Variants in CACNG8 observed in about 807,000 individuals in gnomAD.
The protein encoded by CACNG8 is voltage-dependent calcium channel gamma-8 subunit.
In CACNG8, 5 loss-of-function variants were observed where a neutral mutation model predicts 26.9. That is an observed-to-expected ratio of 0.19 (90% CI 0.10 to 0.39). CACNG8 has a LOEUF of 0.39. Among genes scored for constraint, CACNG8 ranks in the 10% least tolerant of loss-of-function variants. The probability of loss-of-function intolerance (pLI) is 1.00; values close to 1 mark genes in which losing one functional copy is unlikely to be tolerated. For synonymous variants in CACNG8, 321 were observed against 296.7 expected (o/e 1.08, Z -0.84); for missense variants, 473 against 609.4 (o/e 0.78, Z 2.36).
At chr19:53,974,242 A>G (rs1287528904) in intron 1 of CACNG8, among the ~76,000 whole-genome samples, 4 of 152,224 alleles carry the variant, frequency 2.6e-5, no homozygotes, top group Non-Finnish European at 5.9e-5. Flanking sequence ...TTCACTGAGT[A>G]TAATGTCTTC....
intron 1 of CACNG8, among the ~76,000 whole-genome samples, chr19:53,969,026 C>T (rs2069287116): frequency 6.6e-6 from 1 of 151,944 alleles, no homozygotes; most frequent in Non-Finnish European, 1.5e-5. Flanking sequence ...GTTTTCGAGA[C>T]AGATTCTTGC....
rs565897885 is a variant in CACNG8 at position 53,972,323 on chromosome 19, T to G, written c.284-5823T>G. Among the ~76,000 whole-genome samples the G allele has an allele frequency of 7.2e-4, 105 of 146,542 alleles. 1 individual carries two copies. Among genetic ancestry groups the G allele is most frequent in the Admixed American group, 2.4e-3 (35 of 14,428 alleles). ...CTGTGCCTTTCTTTCTTGCTTGCTTTCTTTCTTTTTTTTTTCTTTCTTCTC... is the reference window on the plus strand; with the variant it reads ...CTGTGCCTTTCTTTCTTGCTTGCTTGCTTTCTTTTTTTTTTCTTTCTTCTC... On this transcript the variant is annotated intron_variant, in intron 1 of 3. Transcript: ENST00000270458.
intron 1 of CACNG8, among the ~76,000 whole-genome samples, chr19:53,967,565 T>G (rs111330857): frequency 0.077 from 11,785 of 152,276 alleles, 1,549 homozygotes; most frequent in African/African-American, 0.27. Flanking sequence ...CTGGGCGCAG[T>G]GGCTCACACC....
chr19:53,981,982 GCCTGGGCCCGCT>G (rs1260795702), intron 3 of CACNG8, 86 bp from the exon 4 acceptor site: 21 of 1,324,958 alleles, frequency 1.6e-5, no homozygotes, highest in Non-Finnish European at 2.0e-5. Flanking sequence ...TGGGGGTGGC[GCCTGGGCCCGCT>G]GGCGCAGGCG....
intron 3 of CACNG8, among the ~76,000 whole-genome samples, chr19:53,980,430 C>T (rs948311197): frequency 2.0e-5 from 3 of 151,822 alleles, no homozygotes; most frequent in Admixed American, 1.3e-4. Context: ...AGAAAGTGAT[C>T]TGAGCGCCGA....
rs886626590 is a variant in CACNG8, at chr19:53,985,211, T to C, written c.*2362T>C. The C allele has an allele frequency of 1.3e-5, 2 of 152,252 alleles. No individual in the cohort carries two copies. Among genetic ancestry groups the C allele is most frequent in the Non-Finnish European group, 2.9e-5 (2 of 68,102 alleles). The allele number at this position is 152,252 out of a possible 1,614,324, so 9.4% of individuals were successfully genotyped here. A position where few individuals can be genotyped will look rare whatever the true frequency, so the allele number is the denominator to read the frequency against. Reference sequence around the variant, plus strand: ...GGGAGTGGAGAGGTGATTTTGATCTTGCCCTGCTCTCAAGGGGCTCCCAGT... The same window carrying C: ...GGGAGTGGAGAGGTGATTTTGATCTCGCCCTGCTCTCAAGGGGCTCCCAGT... On this transcript the variant is annotated 3_prime_UTR_variant, in exon 4 of 4. Transcript: ENST00000270458.
At position 53,982,752 on chromosome 19, in the gene CACNG8, C is replaced by G; in HGVS notation, c.1181C>G (p.Ala394Gly). The G allele has an allele frequency of 1.7e-6, 2 of 1,209,954 alleles. No individual in the cohort carries two copies. Among genetic ancestry groups the G allele is most frequent in the Non-Finnish European group, 2.0e-6 (2 of 978,880 alleles). 75.0% of individuals were successfully genotyped at this position (1,209,954 alleles called of 1,614,324 possible). A position where few individuals can be genotyped will look rare whatever the true frequency, so the allele number is the denominator to read the frequency against. Residue 394 changes from alanine to glycine, a missense_variant, in exon 4 of 4, where the codon GCG (alanine) becomes GGG (glycine). Coordinates refer to ENST00000270458, the MANE Select transcript of CACNG8 (RefSeq NM_031895.6). This position sits in a 1 kb window ranked among gnomAD's most constrained non-coding sequence, Gnocchi z 8.4. ...GGGCCGCCCGCCCCGCCCGCGCCCGCGCCACCCGCGCCCTCTGCGCCCGCC... is the reference window on the plus strand; with the variant it reads ...GGGCCGCCCGCCCCGCCCGCGCCCGGGCCACCCGCGCCCTCTGCGCCCGCC...
intron 1 of CACNG8, among the ~76,000 whole-genome samples, chr19:53,977,935 C>T (rs962637109): frequency 6.6e-6 from 1 of 152,122 alleles, no homozygotes; most frequent in African/African-American, 2.4e-5. Flanking sequence ...CCTTGCTTTT[C>T]TTCTTTTCTT....
intron 1 of CACNG8, among the ~76,000 whole-genome samples, chr19:53,964,099 G>A (rs1290470235): frequency 6.6e-6 from 1 of 151,948 alleles, no homozygotes; most frequent in Non-Finnish European, 1.5e-5. Flanking sequence ...GCACCCAGCA[G>A]CCTCTTTCTC....
In CACNG8 at chr19:53,982,352, C is replaced by A. The variant is rs2069375047; in HGVS notation, c.781C>A (p.Leu261Ile). ...TGGCGGGAGCGGCCCCTCGGCCATC[C>A]TCCGTCTGCCCAGTTACCGCTTCCG... Residue 261 changes from leucine to isoleucine, a missense_variant, in exon 4 of 4, where the codon CTC (leucine) becomes ATC (isoleucine). Physicochemically the swap from Leu to Ile is conservative, Grantham distance 5 (BLOSUM62 2). Coordinates refer to ENST00000270458, the MANE Select transcript of CACNG8 (RefSeq NM_031895.6). The surrounding 1 kb of genome is among the most constrained non-coding windows in gnomAD (Gnocchi z 8.4). 1 of 1,547,994 alleles carries A rather than the reference C, an allele frequency of 6.5e-7. No homozygotes were observed. The highest frequency in any genetic ancestry group is 8.7e-7 in the Non-Finnish European group (1 of 1,151,330).
chr19:53,967,656 G>A (rs1055706406), intron 1 of CACNG8, among the ~76,000 whole-genome samples: 1 of 152,042 alleles, frequency 6.6e-6, no homozygotes, highest in African/African-American at 2.4e-5. Flanking sequence ...CCAACATGGT[G>A]AAAACTGGTC....
intron 1 of CACNG8, among the ~76,000 whole-genome samples, chr19:53,969,508 C>G (rs1166498628): frequency 6.6e-6 from 1 of 151,860 alleles, no homozygotes; most frequent in Admixed American, 6.6e-5. Flanking sequence ...ATCCTCTCAC[C>G]CCCGGCCTCT....
chr19:53,963,358 C>A lies in CACNG8; in HGVS notation c.216C>A (p.Gly72=). 6.3e-7 allele frequency: 1 copy of A among 1,591,054 alleles called. No individual in the cohort carries two copies. The change falls in exon 1 of 4, where the codon GGC becomes GGA. Residue 72 remains glycine, a synonymous_variant. Transcript: ENST00000270458. ...GGACCCCCCACCGCGGGGGCGGCGG[C>A]GCCTCGGAGAAGAAGGACCCCGGCG...
rs145338051 is a variant in CACNG8 at position 53,979,949 on chromosome 19, C to G, written c.450C>G (p.Arg150=). 3,239 of 1,612,950 alleles carry G rather than the reference C, an allele frequency of 2.0e-3. 26 individuals carry two copies. The highest frequency in any genetic ancestry group is 0.018 in the African/African-American group (1,367 of 75,006). The change falls in exon 3 of 4, where the codon CGC becomes CGG. Residue 150 remains arginine (R), a synonymous_variant. Transcript: ENST00000270458. Reference sequence around the variant, plus strand: ...GGGGTGTGTGCGTGGCGGCCTCCCGCGTCTACAAGTCCAAGAGGAACATCA... The same window carrying G: ...GGGGTGTGTGCGTGGCGGCCTCCCGGGTCTACAAGTCCAAGAGGAACATCA...
chr19:53,967,386 C>G (rs78847033), intron 1 of CACNG8, among the ~76,000 whole-genome samples: 3,164 of 152,250 alleles, frequency 0.021, 109 homozygotes, highest in African/African-American at 0.073. Context: ...AACATCTGGA[C>G]AGAGGTCAGC....
rs917081583 is a variant in CACNG8, at chr19:53,987,224, C to G, written c.*4375C>G. The G allele has an allele frequency of 6.6e-6, 1 of 152,122 alleles. No individual in the cohort carries two copies. Among genetic ancestry groups the G allele is most frequent in the South Asian group, 2.1e-4 (1 of 4,824 alleles). The allele number at this position is 152,122 out of a possible 1,614,324, so 9.4% of individuals were successfully genotyped here. Reference sequence around the variant, plus strand: ...CTGGGATTACAGGCATGTGCCACCACGCCTGGCTAATTTTTTTGTATTTTT... The same window carrying G: ...CTGGGATTACAGGCATGTGCCACCAGGCCTGGCTAATTTTTTTGTATTTTT... On this transcript the variant is annotated 3_prime_UTR_variant, in exon 4 of 4. Coordinates refer to ENST00000270458, the MANE Select transcript of CACNG8 (RefSeq NM_031895.6).
intron 2 of CACNG8, 54 bp from the exon 3 acceptor site, chr19:53,979,813 C>T (rs558044513): frequency 6.8e-5 from 102 of 1,507,818 alleles, no homozygotes; most frequent in Middle Eastern, 1.9e-4. Context: ...GCGCAGGCGG[C>T]CGCGTCTGAC....
chr19:53,967,995 A>G (rs1419552834), intron 1 of CACNG8, among the ~76,000 whole-genome samples: 1 of 152,122 alleles, frequency 6.6e-6, no homozygotes, highest in Non-Finnish European at 1.5e-5. Flanking sequence ...GCTGCTAGAG[A>G]TATGATGTAG....
At chr19:53,966,269 G>A (rs2145932577) in intron 1 of CACNG8, among the ~76,000 whole-genome samples, 1 of 151,698 alleles carries the variant, frequency 6.6e-6, no homozygotes, top group East Asian at 1.9e-4. Flanking sequence ...TGTATTTTTA[G>A]TAGAGACAGG....
Sources: allele counts gnomAD v4.1 joint callset (sites outside exome capture counted in the v4.1 genomes callset), GRCh38; gene constraint gnomAD v4.1.1; non-coding constraint Gnocchi (gnomAD v3.1); transcripts MANE v1.5; gene names NCBI Gene and HGNC (gene_info 2026-07-23, HGNC 2026-07-21).